SHROOM4: variants seen among roughly 807,000 people sequenced by gnomAD.
SHROOM4 encodes protein Shroom4.
In SHROOM4, 17 loss-of-function variants were observed where a neutral mutation model predicts 80.3. The observed-to-expected ratio is 0.21, with a 90% CI of 0.14 to 0.32. The LOEUF is 0.32. Ranked by LOEUF, SHROOM4 falls within the 10% of genes least tolerant of loss-of-function variation. SHROOM4 has a pLI of 1.00. For synonymous variants in SHROOM4, 400 were observed against 437.5 expected, an observed-to-expected ratio of 0.91 and a Z score of 1.07; for missense variants, 993 against 1,140.3, an observed-to-expected ratio of 0.87 and a Z score of 1.86.
rs147599086 is a variant in SHROOM4 at position 50,756,432 on chromosome X, G to A, written c.117+57470C>T. Among the ~76,000 whole-genome samples the A allele has an allele frequency of 2.4e-3, 273 of 112,458 alleles. 5 individuals are homozygous for A. The highest frequency in any genetic ancestry group is 8.4e-3 in the African/African-American group (260 of 31,014). ...GGTGTTTCTGCCTTTTGGCTTGTGT[G>A]AGTCATGATGCTATGATATGAACAT... On this transcript the variant is annotated intron_variant, in intron 1 of 8. Transcript: ENST00000376020.
At chrX:50,807,957 T>C (rs1260775209) in intron 1 of SHROOM4, among the ~76,000 whole-genome samples, 5 of 111,308 alleles carry the variant, frequency 4.5e-5, no homozygotes, top group Non-Finnish European at 9.4e-5. Flanking sequence ...AGAATGTTCA[T>C]ACTCAACTGT....
At chrX:50,655,297 T>C (rs1306951580) in intron 2 of SHROOM4, among the ~76,000 whole-genome samples, 1 of 109,635 alleles carries the variant, frequency 9.1e-6, no homozygotes, top group Non-Finnish European at 1.9e-5. Context: ...TTCTTTTGTG[T>C]ATATACCAAG....
Position 50,738,542 on chromosome X carries a change from A to G in SHROOM4, c.118-42605T>C, listed in dbSNP as rs782071026. Among the ~76,000 whole-genome samples the G allele has an allele frequency of 3.2e-3, 356 of 111,304 alleles. 1 individual carries two copies. Among genetic ancestry groups the G allele is most frequent in the African/African-American group, 0.011 (328 of 30,452 alleles). ...CATTCTTATACAACAATAACAGACAAACAGAGAGCCAAATCATGAGTGAAC... is the reference window on the plus strand; with the variant it reads ...CATTCTTATACAACAATAACAGACAGACAGAGAGCCAAATCATGAGTGAAC... On this transcript the variant is annotated intron_variant, in intron 1 of 8. Transcript: ENST00000376020.
At position 50,813,924 on chromosome X, in the gene SHROOM4, C is replaced by A; in HGVS notation, c.95G>T (p.Cys32Phe). 1 of 1,201,913 alleles carries A rather than the reference C, an allele frequency of 8.3e-7. No individual in the cohort carries two copies. Among genetic ancestry groups the A allele is most frequent in the African/African-American group, 1.7e-5 (1 of 57,446 alleles). ...GFTLKGGLEH[C>F]EPLTVSKIED... Reference sequence around the variant, plus strand: ...TACCTTAGACACTGTGAGCGGCTCACAGTGTTCCAGACCCCCCTTAAGGGT... The same window carrying A: ...TACCTTAGACACTGTGAGCGGCTCAAAGTGTTCCAGACCCCCCTTAAGGGT... The change falls in exon 1 of 9, where the codon TGT (cysteine) becomes TTT (phenylalanine). Residue 32 changes from cysteine (C) to phenylalanine (F), a missense_variant. Physicochemically the swap from Cys to Phe is radical, Grantham distance 205. Coordinates refer to ENST00000376020, the MANE Select transcript of SHROOM4 (RefSeq NM_020717.5).
At chrX:50,768,200 C>T (rs1197840960) in intron 1 of SHROOM4, among the ~76,000 whole-genome samples, 1 of 111,925 alleles carries the variant, frequency 8.9e-6, no homozygotes, top group Non-Finnish European at 1.9e-5. Flanking sequence ...GATATAGAGG[C>T]TAATATAAAC....
intron 8 of SHROOM4, among the ~76,000 whole-genome samples, chrX:50,597,548 C>T (rs1402658878): frequency 8.9e-6 from 1 of 111,769 alleles, no homozygotes; most frequent in Non-Finnish European, 1.9e-5. Context: ...AGACCTCCCC[C>T]TCCAACTCTA....
intron 2 of SHROOM4, among the ~76,000 whole-genome samples, chrX:50,664,295 AT>A (rs1167806629): frequency 1.8e-5 from 2 of 112,071 alleles, no homozygotes; most frequent in Non-Finnish European, 3.8e-5. Context: ...TTTTTCTTTC[AT>A]TTTTATTTTT....
chrX:50,693,960 A>G (rs1410058933), intron 2 of SHROOM4, among the ~76,000 whole-genome samples: 1 of 111,575 alleles, frequency 9.0e-6, no homozygotes, highest in African/African-American at 3.3e-5. Flanking sequence ...TATGAGTGAG[A>G]ACATGTAATA....
chrX:50,686,067 T>G (rs146648185), intron 2 of SHROOM4, among the ~76,000 whole-genome samples: 3,554 of 102,593 alleles, frequency 0.035, 134 homozygotes, highest in African/African-American at 0.15. Flanking sequence ...TGGCTCTGTC[T>G]TCCAGGCTGG....
At chrX:50,687,908 TAA>T (rs782397729) in intron 2 of SHROOM4, among the ~76,000 whole-genome samples, 1 of 101,949 alleles carries the variant, frequency 9.8e-6, no homozygotes, top group Non-Finnish European at 2.0e-5. Context: ...TAAGGATGTG[TAA>T]AAAAAAAAAA....
At chrX:50,782,415 G>A (rs1392115208) in intron 1 of SHROOM4, among the ~76,000 whole-genome samples, 1 of 110,841 alleles carries the variant, frequency 9.0e-6, no homozygotes, top group Admixed American at 9.6e-5. Flanking sequence ...AATAGGAGGA[G>A]GGCCCAAAAG....
chrX:50,741,307 G>T (rs1934649623), intron 1 of SHROOM4, among the ~76,000 whole-genome samples: 1 of 110,533 alleles, frequency 9.0e-6, no homozygotes, highest in African/African-American at 3.3e-5. Flanking sequence ...GCGGGGAAAG[G>T]GGCAATGGGG....
chrX:50,625,032 A>G (rs1267879887), intron 5 of SHROOM4, among the ~76,000 whole-genome samples: 1 of 111,970 alleles, frequency 8.9e-6, no homozygotes, highest in Non-Finnish European at 1.9e-5. Context: ...TGGTGACATA[A>G]TTTTGGAAAA....
chrX:50,787,652 G>A (rs1438224117), intron 1 of SHROOM4, among the ~76,000 whole-genome samples: 1 of 110,498 alleles, frequency 9.0e-6, no homozygotes, highest in Non-Finnish European at 1.9e-5. Context: ...GAAAAGAGAA[G>A]TTTGAAAGTA....
rs1402070637 is a variant in SHROOM4, at chrX:50,593,488, C to T, written c.*3207G>A. ...TAGATGACCCCCAACAGCTGTACAA[C>T]CAACACTGGTTCTTCATCTATAGAA... On this transcript the variant is annotated 3_prime_UTR_variant, in exon 9 of 9. Coordinates refer to ENST00000376020, the MANE Select transcript of SHROOM4 (RefSeq NM_020717.5). 1 of 109,732 alleles carries T rather than the reference C, an allele frequency of 9.1e-6. No homozygotes were observed. Among genetic ancestry groups the T allele is most frequent in the Non-Finnish European group, 1.9e-5 (1 of 52,635 alleles). 9.0% of individuals were successfully genotyped at this position (109,732 alleles called of 1,213,427 possible). A position where few individuals can be genotyped will look rare whatever the true frequency, so the allele number is the denominator to read the frequency against.
At position 50,607,922 on chromosome X, in the gene SHROOM4, C is replaced by T; in HGVS notation, c.3220G>A (p.Gly1074Arg). Residue 1074 changes from glycine (G) to arginine (R), a missense_variant, in exon 6 of 9, where the codon GGG (glycine) becomes AGG (arginine). Physicochemically the swap from Gly to Arg is moderately radical, Grantham distance 125. Transcript: ENST00000376020. Reference sequence around the variant, plus strand: ...CTAAAGAGCTCCCTCCTATGCTGCCCCCAGGCCCGGGTGCTTTGGGGCGCC... The same window carrying T: ...CTAAAGAGCTCCCTCCTATGCTGCCTCCAGGCCCGGGTGCTTTGGGGCGCC... The part of the protein sequence containing the change: ...SLAPQSTRAW[G>R]QHRRELFSKG... 1 of 1,211,844 alleles carries T rather than the reference C, an allele frequency of 8.3e-7. No individual in the cohort carries two copies. The highest frequency in any genetic ancestry group is 1.1e-6 in the Non-Finnish European group (1 of 895,536).
At chrX:50,809,662 T>C (rs1557273261) in intron 1 of SHROOM4, among the ~76,000 whole-genome samples, 1 of 111,913 alleles carries the variant, frequency 8.9e-6, no homozygotes. Context: ...CCTACCCCAC[T>C]CTGTTTTGTT....
chrX:50,651,319 C>A (rs1261232041), intron 2 of SHROOM4, among the ~76,000 whole-genome samples: 2 of 112,170 alleles, frequency 1.8e-5, no homozygotes, highest in African/African-American at 6.5e-5. Context: ...ATACACCATT[C>A]CATTTCATTC....
chrX:50,646,989 G>T (rs1265553662), intron 2 of SHROOM4, among the ~76,000 whole-genome samples: 1 of 111,301 alleles, frequency 9.0e-6, no homozygotes, highest in Non-Finnish European at 1.9e-5. Context: ...TTTTCACATT[G>T]AAATCTTTAA....
Sources: gnomAD v4.1 joint callset for allele counts (sites outside exome capture counted in the v4.1 genomes callset) on GRCh38, gnomAD v4.1.1 for gene constraint, MANE v1.5 for transcripts, NCBI Gene and HGNC (gene_info 2026-07-23, HGNC 2026-07-21) for gene names.